TGFBR2: variants seen among roughly 807,000 people sequenced by gnomAD.
TGFBR2 encodes the protein TGF-beta receptor type-2.
A neutral mutation model predicts 49.0 loss-of-function variants in TGFBR2; 18 were observed. The observed-to-expected ratio is 0.37, with a 90% CI of 0.25 to 0.54. The LOEUF (loss-of-function observed/expected upper bound fraction) is 0.54. Ranked by LOEUF, TGFBR2 falls within the 20% of genes least tolerant of loss-of-function variation. The probability of loss-of-function intolerance (pLI) is 0.85; values close to 1 mark genes in which losing one functional copy is unlikely to be tolerated. For missense variants in TGFBR2, 525 were observed against 722.6 expected (o/e 0.73, Z 3.13); for synonymous variants, 282 against 275.9 (o/e 1.02, Z -0.22).
chr3:30,611,809 T>A (rs1378425804), intron 1 of TGFBR2, among the ~76,000 whole-genome samples: 1 of 152,124 alleles, frequency 6.6e-6, no homozygotes, highest in Non-Finnish European at 1.5e-5. Context: ...CAAAGCAGTT[T>A]TAAATAGGGT....
At chr3:30,609,675 T>C (rs1697995296) in intron 1 of TGFBR2, among the ~76,000 whole-genome samples, 1 of 152,240 alleles carries the variant, frequency 6.6e-6, no homozygotes, top group South Asian at 2.1e-4. Flanking sequence ...TGGAAGTAGA[T>C]AGATTCTTAT....
At chr3:30,616,913 G>T (rs1404734022) in intron 1 of TGFBR2, among the ~76,000 whole-genome samples, 12 of 152,198 alleles carry the variant, frequency 7.9e-5, no homozygotes, top group African/African-American at 2.9e-4. Context: ...AGGCTTACTT[G>T]GTTTTGGTGG....
At chr3:30,691,040 G>A (rs574355178) in intron 6 of TGFBR2, among the ~76,000 whole-genome samples, 56 of 152,284 alleles carry the variant, frequency 3.7e-4, no homozygotes, top group African/African-American at 1.3e-3. Flanking sequence ...TGTGAAGCGA[G>A]AACTTCTCTA....
intron 1 of TGFBR2, among the ~76,000 whole-genome samples, chr3:30,623,445 T>C (rs531150865): frequency 3.2e-4 from 48 of 152,354 alleles, no homozygotes; most frequent in African/African-American, 1.1e-3. Flanking sequence ...AGGAGACTTG[T>C]TCTTGCCTCG....
At chr3:30,641,165 C>T (rs1276440375) in intron 1 of TGFBR2, among the ~76,000 whole-genome samples, 2 of 152,088 alleles carry the variant, frequency 1.3e-5, no homozygotes, top group South Asian at 2.1e-4. Context: ...CTGGATCTTA[C>T]GGGCCTCAGA....
At position 30,682,043 on chromosome 3, in the gene TGFBR2, A is replaced by G. The variant is rs577921420; in HGVS notation, c.1397-6341A>G. On this transcript the variant is annotated intron_variant, in intron 5 of 6. Coordinates refer to ENST00000295754, the MANE Select transcript of TGFBR2 (RefSeq NM_003242.6). ...GGAAGCTGGGTGTTTTATCTTTCCA[A>G]TTCCCATCAGTTTGCTGGAGGGCTG... Among the ~76,000 whole-genome samples, 8 of 152,306 alleles carry G rather than the reference A, an allele frequency of 5.3e-5. No homozygotes were observed. The South Asian group carries it at 1.2e-3, about 24-fold the overall frequency.
At position 30,640,436 on chromosome 3, in the gene TGFBR2, G is replaced by C. The variant is rs74758632; in HGVS notation, c.95-4311G>C. On this transcript the variant is annotated intron_variant, in intron 1 of 6. Coordinates refer to ENST00000295754, the MANE Select transcript of TGFBR2 (RefSeq NM_003242.6). Reference sequence around the variant, plus strand: ...GGGATTGGTTCCAAGACTCCTCGAGGAGACCAAAATCTACAGATGTTTAAC... The same window carrying C: ...GGGATTGGTTCCAAGACTCCTCGAGCAGACCAAAATCTACAGATGTTTAAC... Among the ~76,000 whole-genome samples, 28 of 152,208 alleles carry C rather than the reference G, an allele frequency of 1.8e-4. No individual in the cohort carries two copies. In the East Asian group the frequency reaches 4.2e-3, roughly 23 times the overall value.
Position 30,692,783 on chromosome 3 carries a change from G to A in TGFBR2, c.*1184G>A, listed in dbSNP as rs1699738369. 2.1e-5 allele frequency: 5 copies of A among 232,948 alleles called. No homozygotes were observed. The highest frequency in any genetic ancestry group is 6.6e-5 in the African/African-American group (3 of 45,302). 14.4% of individuals were successfully genotyped at this position (232,948 alleles called of 1,614,324 possible). ...ATATGTTTTGTTTGGTCAGCACAGCGTTTCAAAAAGTGAAGCCACTTTATA... is the reference window on the plus strand; with the variant it reads ...ATATGTTTTGTTTGGTCAGCACAGCATTTCAAAAAGTGAAGCCACTTTATA... On this transcript the variant is annotated 3_prime_UTR_variant, in exon 7 of 7. Coordinates refer to ENST00000295754, the MANE Select transcript of TGFBR2 (RefSeq NM_003242.6).
Position 30,650,243 on chromosome 3 carries a change from C to T in TGFBR2, c.264-27C>T, listed in dbSNP as rs777022423. On this transcript the variant is annotated intron_variant, in intron 2 of 6. Coordinates refer to ENST00000295754, the MANE Select transcript of TGFBR2 (RefSeq NM_003242.6). ...CTCTTTCTCTCTCTCCCTCTCCCCT[C>T]GCTTCCAATGAATCTCTTCACTCTA... The T allele has an allele frequency of 2.9e-5, 47 of 1,607,972 alleles. No individual in the cohort carries two copies. The highest frequency in any genetic ancestry group is 4.0e-5 in the African/African-American group (3 of 74,818).
At chr3:30,661,420 C>T in intron 3 of TGFBR2, 1 of 370,902 alleles carries the variant, frequency 2.7e-6, no homozygotes, top group South Asian at 2.0e-5. Context: ...GAATCTATAT[C>T]CTAAGGAGGA....
intron 1 of TGFBR2, among the ~76,000 whole-genome samples, chr3:30,636,818 A>T (rs1235844551): frequency 6.6e-6 from 1 of 151,940 alleles, no homozygotes; most frequent in African/African-American, 2.4e-5. Flanking sequence ...TAATCCCAGC[A>T]CTTTGGGAGG....
At position 30,672,876 on chromosome 3, in the gene TGFBR2, C is replaced by T. The variant is rs1206259404; in HGVS notation, c.1254+439C>T. Among the ~76,000 whole-genome samples, 5 of 152,338 alleles carry T rather than the reference C, an allele frequency of 3.3e-5. No homozygotes were observed. The East Asian group carries it at 7.7e-4, about 23-fold the overall frequency. On this transcript the variant is annotated intron_variant, in intron 4 of 6. Transcript: ENST00000295754. The surrounding 1 kb of genome is among the most constrained non-coding windows in gnomAD (Gnocchi z 4.5). ...TCTCCCTGAAGTCCAAATCTACATC[C>T]ACATGGTCACCCAAGATATGTAGCA... is the stretch of plus-strand genomic sequence containing the variant.
chr3:30,678,248 G>T (rs1353593516), intron 5 of TGFBR2, among the ~76,000 whole-genome samples: 1 of 152,092 alleles, frequency 6.6e-6, no homozygotes, highest in Admixed American at 6.6e-5. Context: ...AGAGAAGCCT[G>T]CTCAAGAGGT....
chr3:30,615,134 A>G (rs998431021), intron 1 of TGFBR2, among the ~76,000 whole-genome samples: 2 of 152,204 alleles, frequency 1.3e-5, no homozygotes, highest in South Asian at 2.1e-4. Context: ...CAGGAAGTTT[A>G]GGTATTCTGA....
At chr3:30,621,490 ATGCTGCT>A (rs1181582447) in intron 1 of TGFBR2, among the ~76,000 whole-genome samples, 1 of 152,066 alleles carries the variant, frequency 6.6e-6, no homozygotes, top group Non-Finnish European at 1.5e-5. Flanking sequence ...CATGTTGGCC[ATGCTGCT>A]CTTGAACTTC....
chr3:30,644,543 A>C (rs927732366), intron 1 of TGFBR2, among the ~76,000 whole-genome samples: 19 of 151,708 alleles, frequency 1.3e-4, no homozygotes, highest in African/African-American at 4.6e-4. Flanking sequence ...ACCCCTCACC[A>C]CCCCTCACCA....
intron 1 of TGFBR2, among the ~76,000 whole-genome samples, chr3:30,616,275 ATTG>A (rs1434531137): frequency 6.6e-6 from 1 of 152,192 alleles, no homozygotes; most frequent in African/African-American, 2.4e-5. Flanking sequence ...TGAAATCTGC[ATTG>A]TTATTTCACA....
chr3:30,655,939 T>A (rs1698988178), intron 3 of TGFBR2, among the ~76,000 whole-genome samples: 1 of 152,166 alleles, frequency 6.6e-6, no homozygotes. Context: ...CGGGAGCTTA[T>A]TAGAACTGCA....
In TGFBR2 at chr3:30,691,716, C is replaced by A; in HGVS notation, c.*117C>A. 8.6e-7 allele frequency: 1 copy of A among 1,159,558 alleles called. No individual in the cohort carries two copies. The allele number at this position is 1,159,558 out of a possible 1,614,324, so 71.8% of individuals were successfully genotyped here. On this transcript the variant is annotated 3_prime_UTR_variant, in exon 7 of 7. Coordinates refer to ENST00000295754, the MANE Select transcript of TGFBR2 (RefSeq NM_003242.6). ...CCTGGAAAACCAAGGGGGTCACTCC[C>A]CTCCCTGTAAGCTGTGGGGATAAGC... is the stretch of plus-strand genomic sequence containing the variant.
Sources: allele counts gnomAD v4.1 joint callset (sites outside exome capture counted in the v4.1 genomes callset), GRCh38; gene constraint gnomAD v4.1.1; non-coding constraint Gnocchi (gnomAD v3.1); transcripts MANE v1.5; gene names NCBI Gene and HGNC (gene_info 2026-07-23, HGNC 2026-07-21).